PRKG1: variants seen among roughly 807,000 people sequenced by gnomAD.
The protein encoded by PRKG1 is protein kinase cGMP-dependent 1.
In PRKG1, 35 loss-of-function variants were observed where a neutral mutation model predicts 88.1. The ratio of observed to expected loss-of-function variants is 0.40; its 90% CI spans 0.30 to 0.53. The LOEUF is 0.53. Ranked by LOEUF, PRKG1 falls within the 20% of genes least tolerant of loss-of-function variation. The pLI is 0.59. For synonymous variants in PRKG1, 303 were observed against 292.5 expected (o/e 1.04, Z -0.37); for missense variants, 540 against 839.8 (o/e 0.64, Z 4.41).
intron 4 of PRKG1, among the ~76,000 whole-genome samples, chr10:51,810,331 G>T (rs1334198736): frequency 6.6e-6 from 1 of 152,064 alleles, no homozygotes; most frequent in Non-Finnish European, 1.5e-5. Context: ...TAACCAGAAG[G>T]GTAAATCTTT....
chr10:51,779,327 C>T (rs1328101885), intron 3 of PRKG1, among the ~76,000 whole-genome samples: 1 of 151,954 alleles, frequency 6.6e-6, no homozygotes, highest in East Asian at 1.9e-4. Context: ...CGAATTTTTC[C>T]TTGTGGGTCC....
intron 5 of PRKG1, among the ~76,000 whole-genome samples, chr10:51,943,201 T>C (rs1228914120): frequency 2.0e-5 from 3 of 152,058 alleles, no homozygotes; most frequent in Non-Finnish European, 2.9e-5. Flanking sequence ...AGGTATTTTA[T>C]TCTCTTTGAA....
chr10:51,490,068 AAACAG>A (rs1840665813), intron 3 of PRKG1, among the ~76,000 whole-genome samples: 1 of 152,130 alleles, frequency 6.6e-6, no homozygotes, highest in Admixed American at 6.6e-5. Flanking sequence ...AAACAAGATG[AAACAG>A]TTGTTTAGGT....
Position 51,347,122 on chromosome 10 carries a change from TG to T in PRKG1, c.479-120599del, listed in dbSNP as rs373830811. On this transcript the variant is annotated intron_variant, in intron 2 of 17. Coordinates refer to ENST00000373980, the MANE Select transcript of PRKG1 (RefSeq NM_006258.4). ...ATGCTTCCCTGTTCATGAAAAAAAC[TG>T]GTTTTTTTTTCTACCACCAAGACAA... 2.6e-3 allele frequency among the ~76,000 whole-genome samples: 274 copies of T among 105,558 alleles called. 2 individuals carry two copies. The highest frequency in any genetic ancestry group is 7.0e-3 in the African/African-American group (209 of 29,996). 69.3% of individuals were successfully genotyped at this position (105,558 alleles called of 152,430 possible).
rs1164074395 is a variant in PRKG1 at position 51,689,239 on chromosome 10, ACTATCTAT to A, written c.593-115321_593-115314del. Among the ~76,000 whole-genome samples the A allele has an allele frequency of 7.9e-3, 1,190 of 150,336 alleles. 7 individuals are homozygous for A. Among genetic ancestry groups the A allele is most frequent in the African/African-American group, 0.021 (870 of 40,906 alleles). On this transcript the variant is annotated intron_variant, in intron 3 of 17. Coordinates refer to ENST00000373980, the MANE Select transcript of PRKG1 (RefSeq NM_006258.4). ...CACAGTTGACATAATAAATCTATCT[ACTATCTAT>A]CTATCTATCTATCTATCTATCTATA...
chr10:51,828,963 A>C (rs1271892073), intron 4 of PRKG1, among the ~76,000 whole-genome samples: 1 of 152,222 alleles, frequency 6.6e-6, no homozygotes, highest in African/African-American at 2.4e-5. Context: ...ATCATCACGC[A>C]GTTTTCATGG....
At chr10:51,958,444 A>G (rs1843365197) in intron 5 of PRKG1, among the ~76,000 whole-genome samples, 1 of 152,124 alleles carries the variant, frequency 6.6e-6, no homozygotes, top group Admixed American at 6.6e-5. Context: ...TCAGAGGGAT[A>G]CAGATACAAA....
chr10:51,700,063 A>G (rs1841426378), intron 3 of PRKG1, among the ~76,000 whole-genome samples: 1 of 152,268 alleles, frequency 6.6e-6, no homozygotes, highest in Non-Finnish European at 1.5e-5. Flanking sequence ...TTAAAATCAC[A>G]TTCCAGACTG....
intron 1 of PRKG1, among the ~76,000 whole-genome samples, chr10:51,075,134 A>G (rs1843915788): frequency 6.6e-6 from 1 of 152,192 alleles, no homozygotes; most frequent in Non-Finnish European, 1.5e-5. Flanking sequence ...TTATTTTTAA[A>G]TATACATATA....
chr10:51,836,591 T>A (rs1159301957), intron 4 of PRKG1, among the ~76,000 whole-genome samples: 1 of 152,086 alleles, frequency 6.6e-6, no homozygotes, highest in Non-Finnish European at 1.5e-5. Context: ...TATTTTTGCA[T>A]AAGGAGTGAG....
At chr10:52,049,485 TGTA>T (rs1439801420) in intron 5 of PRKG1, among the ~76,000 whole-genome samples, 1 of 152,178 alleles carries the variant, frequency 6.6e-6, no homozygotes, top group Non-Finnish European at 1.5e-5. Flanking sequence ...TGATTTTACT[TGTA>T]GTAAGAAGCC....
rs144429910 is a variant in PRKG1, at chr10:52,046,212, G to A, written c.763-8272G>A. The stretch of plus-strand genomic sequence containing the variant: ...AATTATATTGGATTTGGAGAATGAC[G>A]CAATAAAAATAAATTCATTTCTATT... On this transcript the variant is annotated intron_variant, in intron 5 of 17. Transcript: ENST00000373980. Among the ~76,000 whole-genome samples the A allele has an allele frequency of 3.0e-3, 449 of 152,134 alleles. 5 individuals are homozygous for A. Among genetic ancestry groups the A allele is most frequent in the African/African-American group, 0.01 (421 of 41,520 alleles).
intron 2 of PRKG1, among the ~76,000 whole-genome samples, chr10:51,169,806 G>A (rs1377063345): frequency 6.6e-6 from 1 of 152,014 alleles, no homozygotes; most frequent in Non-Finnish European, 1.5e-5. Flanking sequence ...TTCCTCATTT[G>A]TCACATAATA....
At chr10:51,256,074 A>G (rs962965858) in intron 2 of PRKG1, among the ~76,000 whole-genome samples, 1 of 152,082 alleles carries the variant, frequency 6.6e-6, no homozygotes, top group Non-Finnish European at 1.5e-5. Context: ...TCCTACTTGT[A>G]CTTGCAAGTG....
At chr10:51,708,803 G>A (rs565594458) in intron 3 of PRKG1, among the ~76,000 whole-genome samples, 2 of 152,256 alleles carry the variant, frequency 1.3e-5, no homozygotes, top group South Asian at 4.2e-4. Flanking sequence ...AGACCTTTGC[G>A]GTGCCAGTTG....
chr10:51,919,467 A>G (rs968548030), intron 5 of PRKG1, among the ~76,000 whole-genome samples: 1 of 152,022 alleles, frequency 6.6e-6, no homozygotes, highest in African/African-American at 2.4e-5. Context: ...CCTAAAAATT[A>G]TTATTTTAAT....
At chr10:51,618,007 GAA>G (rs1286464310) in intron 3 of PRKG1, among the ~76,000 whole-genome samples, 1 of 152,180 alleles carries the variant, frequency 6.6e-6, no homozygotes, top group Non-Finnish European at 1.5e-5. Flanking sequence ...TTCTACAGTT[GAA>G]TCAATAGCCT....
chr10:51,628,483 A>T (rs1307821032), intron 3 of PRKG1, among the ~76,000 whole-genome samples: 1 of 152,002 alleles, frequency 6.6e-6, no homozygotes, highest in East Asian at 1.9e-4. Flanking sequence ...TTCAGTGGTA[A>T]ATTAGTACAC....
At chr10:51,687,707 C>G (rs1235861353) in intron 3 of PRKG1, among the ~76,000 whole-genome samples, 1 of 152,126 alleles carries the variant, frequency 6.6e-6, no homozygotes, top group Non-Finnish European at 1.5e-5. Flanking sequence ...AGAGTCACAG[C>G]TTGGCTGAAA....
Sources: gnomAD v4.1 joint callset for allele counts (sites outside exome capture counted in the v4.1 genomes callset) on GRCh38, gnomAD v4.1.1 for gene constraint, MANE v1.5 for transcripts, NCBI Gene and HGNC (gene_info 2026-07-23, HGNC 2026-07-21) for gene names.